The following VPS29 variants were observed in gnomAD, a reference collection of about 807,000 sequenced individuals.
The protein encoded by VPS29 is vacuolar protein sorting-associated protein 29.
VPS29 carries 2 observed loss-of-function variants against 20.0 expected under a neutral mutation model. The observed-to-expected ratio is 0.10, with a 90% CI of 0.04 to 0.31. The LOEUF is 0.31. Ranked by LOEUF, VPS29 falls within the 10% of genes least tolerant of loss-of-function variation. The pLI, the probability that VPS29 is intolerant of heterozygous loss-of-function variation, is 1.00. For missense variants in VPS29, 120 were observed against 215.3 expected (o/e 0.56, Z 2.77); for synonymous variants, 81 against 79.3 (o/e 1.02, Z -0.12).
In VPS29 at chr12:110,493,152, G is replaced by T. The variant is rs2062845065; in HGVS notation, c.275C>A (p.Pro92Gln). Reference protein sequence around the residue: ...IGLIHGHQVIPWGDMASLALL... With the variant: ...IGLIHGHQVIQWGDMASLALL... ...GGCTAAGCTGGCCATATCTCCCCAT[G>T]GAATAACTTGATGTCCATGGATCAG... Residue 92 changes from proline (P) to glutamine (Q), a missense_variant, in exon 3 of 4, where the codon CCA becomes CAA. Physicochemically the swap from Pro to Gln is moderately conservative, Grantham distance 76. Transcript: ENST00000549578. The T allele has an allele frequency of 6.2e-7, 1 of 1,612,670 alleles. No individual in the cohort carries two copies. Among genetic ancestry groups the T allele is most frequent in the Non-Finnish European group, 8.5e-7 (1 of 1,179,514 alleles).
intron 1 of VPS29, chr12:110,501,458 C>A: frequency 6.5e-7 from 1 of 1,535,496 alleles, no homozygotes; most frequent in Non-Finnish European, 8.7e-7. Context: ...ACAGTTCCAG[C>A]AATTGCAAGC....
chr12:110,493,300 C>T, intron 2 of VPS29, 69 bp from the exon 3 acceptor site: 4 of 1,138,356 alleles, frequency 3.5e-6, no homozygotes, highest in Non-Finnish European at 4.8e-6. Flanking sequence ...AATCAGTTTC[C>T]TTAAATATTC....
At position 110,491,976 on chromosome 12, in the gene VPS29, A is replaced by C. The variant is rs1427587149; in HGVS notation, c.*29T>G. ...TGATTTCAACAGGACAATGAAAAAA[A>C]ACCAAAAATCATCAAGACAGGCCTG... On this transcript the variant is annotated 3_prime_UTR_variant, in exon 4 of 4. Transcript: ENST00000549578. 3.2e-6 allele frequency: 5 copies of C among 1,578,868 alleles called. No homozygotes were observed. The highest frequency in any genetic ancestry group is 4.3e-6 in the Non-Finnish European group (5 of 1,153,526).
At chr12:110,492,545 A>G (rs1362857823) in intron 3 of VPS29, among the ~76,000 whole-genome samples, 2 of 151,712 alleles carry the variant, frequency 1.3e-5, no homozygotes, top group Non-Finnish European at 1.5e-5. Context: ...ACTCCAGCCT[A>G]GGTGACAGAG....
intron 2 of VPS29, 132 bp from the exon 3 acceptor site, chr12:110,493,363 T>A: frequency 7.2e-6 from 1 of 138,940 alleles, no homozygotes; most frequent in Non-Finnish European, 1.2e-5. Flanking sequence ...CATTTATACA[T>A]TTTTTTTTTT....
intron 3 of VPS29, among the ~76,000 whole-genome samples, chr12:110,492,569 CAA>C (rs768721440): frequency 6.5e-5 from 8 of 123,216 alleles, no homozygotes; most frequent in Admixed American, 2.4e-4. Context: ...GACTCTGTCT[CAA>C]AAAAAAAAAA....
intron 1 of VPS29, chr12:110,501,671 G>C (rs1338154478): frequency 1.3e-6 from 2 of 1,500,126 alleles, no homozygotes; most frequent in Non-Finnish European, 1.8e-6. Context: ...CTTTTTGCGG[G>C]AAACGAGTAG....
chr12:110,494,321 C>T (rs1045664378), intron 2 of VPS29, among the ~76,000 whole-genome samples: 1 of 148,466 alleles, frequency 6.7e-6, no homozygotes, highest in African/African-American at 2.5e-5. Context: ...GGCGCGATCT[C>T]GGCTCACTGC....
chr12:110,501,422 A>G (rs2063037477), intron 1 of VPS29: 1 of 1,535,490 alleles, frequency 6.5e-7, no homozygotes, highest in African/African-American at 1.4e-5. Context: ...CCTACCCTAA[A>G]GAGGCGTAGC....
At chr12:110,501,439 T>C in intron 1 of VPS29, 1 of 1,535,428 alleles carries the variant, frequency 6.5e-7, no homozygotes, top group Non-Finnish European at 8.7e-7. Context: ...TAGCAACCCG[T>C]GGAAAGAAAC....
chr12:110,499,355 T>C (rs1592999691), intron 1 of VPS29: 3 of 876,966 alleles, frequency 3.4e-6, no homozygotes, highest in Non-Finnish European at 4.9e-6. Flanking sequence ...GATAGAGTCC[T>C]TTAAGAAAGC....
Position 110,491,651 on chromosome 12 carries a change from G to A in VPS29, c.*354C>T, listed in dbSNP as rs75152921. On this transcript the variant is annotated 3_prime_UTR_variant, in exon 4 of 4. Transcript: ENST00000549578. ...AATGAAAGGTAATTGTTTATTACTGGAGAAGAGAAAAATGTATACAAGAAA... is the reference window on the plus strand; with the variant it reads ...AATGAAAGGTAATTGTTTATTACTGAAGAAGAGAAAAATGTATACAAGAAA... 0.013 allele frequency: 2,280 copies of A among 172,390 alleles called. 46 individuals are homozygous for A. Among genetic ancestry groups the A allele is most frequent in the Non-Finnish European group, 0.014 (1,105 of 81,430 alleles). 10.7% of individuals were successfully genotyped at this position (172,390 alleles called of 1,614,324 possible). A position where few individuals can be genotyped will look rare whatever the true frequency, so the allele number is the denominator to read the frequency against.
At chr12:110,494,398 G>A (rs1276910713) in intron 2 of VPS29, among the ~76,000 whole-genome samples, 3 of 150,920 alleles carry the variant, frequency 2.0e-5, no homozygotes, top group African/African-American at 4.9e-5. Context: ...GACTACAGGC[G>A]CCCACCACCA....
chr12:110,493,643 T>C lies in VPS29; in HGVS notation c.196-412A>G, dbSNP rs150499474. On this transcript the variant is annotated intron_variant, in intron 2 of 3. Transcript: ENST00000549578. Reference sequence around the variant, plus strand: ...TCCCAAAGCGCTAGGATTACAGGCCTGAGCCACTGTGCCCACCCCACATTT... The same window carrying C: ...TCCCAAAGCGCTAGGATTACAGGCCCGAGCCACTGTGCCCACCCCACATTT... 7.6e-3 allele frequency among the ~76,000 whole-genome samples: 1,159 copies of C among 152,342 alleles called. 17 individuals carry two copies. Among genetic ancestry groups the C allele is most frequent in the African/African-American group, 0.026 (1,086 of 41,574 alleles).
At chr12:110,501,949 G>A (rs1192590645) in intron 1 of VPS29, 100 bp downstream of exon 1, 2 of 1,608,858 alleles carry the variant, frequency 1.2e-6, no homozygotes, top group Non-Finnish European at 1.7e-6. Context: ...CGAGGCCTCC[G>A]GGATTTCCCA....
chr12:110,493,080 G>A lies in VPS29; in HGVS notation c.347C>T (p.Thr116Ile). ...FDVDILISGH[T>I]HKFEAFEHEN... ...ATGCTCAAATGCTTCAAATTTGTGT[G>A]TGTGTCCCGAGATAAGAATGTCCAC... is the stretch of plus-strand genomic sequence containing the variant. Residue 116 changes from threonine to isoleucine, a missense_variant, in exon 3 of 4, where the codon ACA becomes ATA. Transcript: ENST00000549578. 6.2e-7 allele frequency: 1 copy of A among 1,614,042 alleles called. No individual in the cohort carries two copies. Among genetic ancestry groups the A allele is most frequent in the Non-Finnish European group, 8.5e-7 (1 of 1,180,008 alleles).
chr12:110,499,049 G>A (rs2062952511), intron 1 of VPS29: 1 of 156,270 alleles, frequency 6.4e-6, no homozygotes, highest in Non-Finnish European at 1.4e-5. Context: ...TGTTCAATCT[G>A]AATGTACCAG....
intron 2 of VPS29, 97 bp downstream of exon 2, chr12:110,495,915 A>AT (rs1209705694): frequency 8.5e-7 from 1 of 1,175,256 alleles, no homozygotes; most frequent in Non-Finnish European, 1.1e-6. Context: ...AAAAAAAAAA[A>AT]CCTTACCAGT....
At chr12:110,502,019 G>C (rs1385589863) in intron 1 of VPS29, 30 bp downstream of exon 1, 2 of 1,613,178 alleles carry the variant, frequency 1.2e-6, no homozygotes, top group Non-Finnish European at 1.7e-6. Context: ...CCGAGAGCCA[G>C]GCCTTGGTCG....
Sources: allele counts gnomAD v4.1 joint callset (sites outside exome capture counted in the v4.1 genomes callset), GRCh38; gene constraint gnomAD v4.1.1; transcripts MANE v1.5; gene names NCBI Gene and HGNC (gene_info 2026-07-23, HGNC 2026-07-21).